RNF4: variants seen among roughly 807,000 people sequenced by gnomAD.
RNF4 encodes the protein E3 ubiquitin-protein ligase RNF4.
RNF4 carries 7 observed loss-of-function variants against 24.3 expected under a neutral mutation model. The observed-to-expected ratio is 0.29, with a 90% CI of 0.16 to 0.54. RNF4 has a LOEUF of 0.54. Among genes scored for constraint, RNF4 ranks in the 20% least tolerant of loss-of-function variants. RNF4 has a pLI of 0.95. For missense variants in RNF4, 209 were observed against 248.5 expected (o/e 0.84, Z 1.07); for synonymous variants, 83 against 84.3 (o/e 0.98, Z 0.09).
chr4:2,469,902 C>G, intron 1 of RNF4: 1 of 152,242 alleles, frequency 6.6e-6, no homozygotes, highest in South Asian at 2.1e-4. Context: ...CCGCTCGGGC[C>G]CTTCACCGCT....
chr4:2,510,543 A>G (rs1464060532), intron 4 of RNF4, among the ~76,000 whole-genome samples: 1 of 152,230 alleles, frequency 6.6e-6, no homozygotes, highest in Non-Finnish European at 1.5e-5. Flanking sequence ...CAGCAGCTCA[A>G]ATCGGCCTCC....
At chr4:2,507,481 G>GAGTA (rs1560413349) in intron 4 of RNF4, among the ~76,000 whole-genome samples, 1 of 152,224 alleles carries the variant, frequency 6.6e-6, no homozygotes, top group Non-Finnish European at 1.5e-5. Context: ...GTTGGACATT[G>GAGTA]AGTAGCCTTT....
chr4:2,506,580 TC>T (rs1456155658), intron 4 of RNF4, among the ~76,000 whole-genome samples: 1 of 151,500 alleles, frequency 6.6e-6, no homozygotes, highest in Non-Finnish European at 1.5e-5. Context: ...TCTTTTTTTT[TC>T]CCTTGAAACA....
intron 2 of RNF4, 87 bp downstream of exon 2, chr4:2,490,589 C>T: frequency 7.2e-7 from 1 of 1,379,916 alleles, no homozygotes; most frequent in Admixed American, 2.0e-5. Context: ...AAGTGAGTTC[C>T]ATAATGTCAC....
intron 1 of RNF4, among the ~76,000 whole-genome samples, chr4:2,487,109 C>T (rs1186031545): frequency 6.6e-6 from 1 of 152,140 alleles, no homozygotes; most frequent in Non-Finnish European, 1.5e-5. Flanking sequence ...AAGTTGAACA[C>T]TTACCAGGTG....
chr4:2,482,189 C>T (rs776628990), intron 1 of RNF4, among the ~76,000 whole-genome samples: 7 of 152,196 alleles, frequency 4.6e-5, no homozygotes, highest in Admixed American at 6.5e-5. Context: ...GTGTGCCCTT[C>T]GAGAATTCCC....
chr4:2,477,619 G>C (rs910597823), intron 1 of RNF4, among the ~76,000 whole-genome samples: 3 of 151,668 alleles, frequency 2.0e-5, no homozygotes, highest in Non-Finnish European at 4.4e-5. Context: ...TTATAAGGGG[G>C]AGTTTCCCTA....
At chr4:2,500,826 A>T in intron 4 of RNF4, 88 bp downstream of exon 4, 1 of 1,242,946 alleles carries the variant, frequency 8.0e-7, no homozygotes, top group Non-Finnish European at 1.2e-6. Flanking sequence ...CACAGACTCC[A>T]AGTCAAGGTT....
At chr4:2,503,694 A>T (rs1477117550) in intron 4 of RNF4, among the ~76,000 whole-genome samples, 8 of 152,246 alleles carry the variant, frequency 5.3e-5, no homozygotes, top group Non-Finnish European at 8.8e-5. Flanking sequence ...CTCTAATGCT[A>T]GTCACTGAGG....
chr4:2,472,830 G>A (rs1437249575), intron 1 of RNF4, among the ~76,000 whole-genome samples: 3 of 151,412 alleles, frequency 2.0e-5, no homozygotes, highest in Non-Finnish European at 4.4e-5. Flanking sequence ...CACAAGGTCA[G>A]GAGATCGAGA....
chr4:2,490,621 G>A, intron 2 of RNF4, 119 bp downstream of exon 2: 2 of 1,066,776 alleles, frequency 1.9e-6, no homozygotes, highest in Non-Finnish European at 2.8e-6. Context: ...CCCACTTCTT[G>A]AAGGAGTATG....
chr4:2,500,790 C>T, intron 4 of RNF4, 52 bp downstream of exon 4: 1 of 1,556,298 alleles, frequency 6.4e-7, no homozygotes, highest in Non-Finnish European at 8.8e-7. Flanking sequence ...GGTCCCTGGC[C>T]AGTGCCAGCA....
chr4:2,490,883 T>G (rs1735559469), intron 2 of RNF4: 2 of 174,418 alleles, frequency 1.1e-5, no homozygotes, highest in South Asian at 1.4e-4. Context: ...AAAAGATTAC[T>G]TGAGCCTAGG....
At chr4:2,498,208 G>C (rs2108768022) in intron 3 of RNF4, among the ~76,000 whole-genome samples, 1 of 152,248 alleles carries the variant, frequency 6.6e-6, no homozygotes, top group Non-Finnish European at 1.5e-5. Flanking sequence ...GTTTGAGGCA[G>C]AGTTTCGTTC....
chr4:2,509,775 G>A (rs1476375536), intron 4 of RNF4, among the ~76,000 whole-genome samples: 7 of 152,316 alleles, frequency 4.6e-5, no homozygotes, highest in Admixed American at 2.0e-4. Flanking sequence ...TACGCGCACT[G>A]TCATGGCTGG....
At chr4:2,496,109 CTT>C (rs567952494) in intron 2 of RNF4, among the ~76,000 whole-genome samples, 57 of 152,260 alleles carry the variant, frequency 3.7e-4, no homozygotes, top group African/African-American at 1.3e-3. Context: ...AGACATGGCT[CTT>C]GGGTAGCCAC....
intron 4 of RNF4, among the ~76,000 whole-genome samples, chr4:2,502,843 C>CAAAAA (rs61616696): frequency 7.6e-6 from 1 of 130,802 alleles, no homozygotes; most frequent in Non-Finnish European, 1.6e-5. Flanking sequence ...GACTCTGTCT[C>CAAAAA]AAAAAAAAAA....
intron 4 of RNF4, among the ~76,000 whole-genome samples, chr4:2,503,010 A>G (rs1308386417): frequency 6.6e-6 from 1 of 151,948 alleles, no homozygotes; most frequent in Non-Finnish European, 1.5e-5. Context: ...GCCACCATAC[A>G]CTACTAAATT....
In RNF4 at chr4:2,513,693, C is replaced by G. The variant is rs774147788; in HGVS notation, c.447C>G (p.Ile149Met). The G allele has an allele frequency of 1.9e-6, 3 of 1,613,852 alleles. No homozygotes were observed. Among genetic ancestry groups the G allele is most frequent in the Non-Finnish European group, 2.5e-6 (3 of 1,179,898 alleles). The change falls in exon 8 of 8, where the codon ATC (isoleucine) becomes ATG (methionine). Residue 149 changes from isoleucine (I) to methionine (M), a missense_variant. By Grantham distance (10) the Ile-to-Met change is conservative. This residue lies in a region of RNF4 where 182 missense variants were observed against 197.2 expected (regional missense o/e 0.92). Transcript: ENST00000314289. ...YSEIVQNGRL[I>M]VSTECGHVFC... Reference sequence around the variant, plus strand: ...AGATCGTGCAGAATGGACGTCTCATCGTTTCCACAGAATGCGGCCATGTCT... The same window carrying G: ...AGATCGTGCAGAATGGACGTCTCATGGTTTCCACAGAATGCGGCCATGTCT...
Sources: allele counts gnomAD v4.1 joint callset (sites outside exome capture counted in the v4.1 genomes callset), GRCh38; gene constraint gnomAD v4.1.1; regional missense constraint gnomAD v4.1.1; transcripts MANE v1.5; gene names NCBI Gene and HGNC (gene_info 2026-07-23, HGNC 2026-07-21).